Variants in COL21A1 observed in about 807,000 individuals in gnomAD.
The protein encoded by COL21A1 is collagen type XXI alpha 1 chain.
In COL21A1, 149 loss-of-function variants were observed where a neutral mutation model predicts 137.9. The observed-to-expected ratio is 1.08, with a 90% CI of 0.95 to 1.24. The LOEUF (loss-of-function observed/expected upper bound fraction) is 1.24. Ranked by LOEUF, COL21A1 falls within the 50% of genes most tolerant of loss-of-function variation. The probability of loss-of-function intolerance (pLI) is 0.00; values close to 1 mark genes in which losing one functional copy is unlikely to be tolerated. For missense variants in COL21A1, 1,167 were observed against 1,158.4 expected (o/e 1.01, Z -0.11); for synonymous variants, 456 against 391.5 (o/e 1.16, Z -1.95).
intron 9 of COL21A1, among the ~76,000 whole-genome samples, chr6:56,160,854 G>T (rs1776143251): frequency 6.6e-6 from 1 of 152,136 alleles, no homozygotes; most frequent in Non-Finnish European, 1.5e-5. Flanking sequence ...CAAAACTTTG[G>T]AATACTTCAT....
At chr6:56,228,956 C>G (rs1306524769) in intron 1 of COL21A1, among the ~76,000 whole-genome samples, 2 of 151,852 alleles carry the variant, frequency 1.3e-5, no homozygotes, top group African/African-American at 2.4e-5. Flanking sequence ...AAATGCAAAA[C>G]TATATAGTAA....
intron 1 of COL21A1, among the ~76,000 whole-genome samples, chr6:56,184,101 G>A (rs1326247532): frequency 1.3e-5 from 2 of 152,086 alleles, no homozygotes; most frequent in Admixed American, 1.3e-4. Context: ...CTGGTGAAAA[G>A]GAGAGAATGA....
intron 17 of COL21A1, among the ~76,000 whole-genome samples, chr6:56,079,708 A>G (rs1446961991): frequency 6.6e-6 from 1 of 151,570 alleles, no homozygotes; most frequent in East Asian, 1.9e-4. Context: ...GAGATTCCAG[A>G]CTATAAAAAA....
chr6:56,263,445 G>A (rs974030133), intron 1 of COL21A1, among the ~76,000 whole-genome samples: 5 of 152,194 alleles, frequency 3.3e-5, no homozygotes, highest in African/African-American at 1.2e-4. Flanking sequence ...GTAGTGAATG[G>A]AGAATGGAAA....
chr6:56,190,773 G>A (rs1003658623), intron 1 of COL21A1, among the ~76,000 whole-genome samples: 9 of 152,136 alleles, frequency 5.9e-5, no homozygotes, highest in Non-Finnish European at 1.3e-4. Context: ...TGGGATGCAA[G>A]GCTGGTTCAA....
intron 1 of COL21A1, among the ~76,000 whole-genome samples, chr6:56,224,647 C>T (rs1285102450): frequency 6.6e-6 from 1 of 151,984 alleles, no homozygotes; most frequent in Non-Finnish European, 1.5e-5. Context: ...TAAAAATCAG[C>T]AGATGTAACT....
chr6:56,356,731 T>G (rs1280283583), intron 1 of COL21A1, among the ~76,000 whole-genome samples: 2 of 152,172 alleles, frequency 1.3e-5, no homozygotes, highest in Non-Finnish European at 2.9e-5. Flanking sequence ...CTGAAGAAGC[T>G]TTTGGATCTT....
At chr6:56,167,443 A>C (rs1207557684) in intron 6 of COL21A1, among the ~76,000 whole-genome samples, 1 of 152,216 alleles carries the variant, frequency 6.6e-6, no homozygotes, top group African/African-American at 2.4e-5. Flanking sequence ...TAATGTTTAA[A>C]TATTTACTAC....
intron 1 of COL21A1, among the ~76,000 whole-genome samples, chr6:56,326,201 A>T (rs550663073): frequency 1.2e-3 from 178 of 149,450 alleles, no homozygotes; most frequent in African/African-American, 4.2e-3. Flanking sequence ...ATACATTTTA[A>T]TTAAGTGCAC....
chr6:56,185,429 T>C (rs1778203296), intron 1 of COL21A1, among the ~76,000 whole-genome samples: 1 of 100,970 alleles, frequency 9.9e-6, no homozygotes, highest in Non-Finnish European at 2.0e-5. Context: ...GAACAGTCTT[T>C]TTTTTTTTTT....
In COL21A1 at chr6:56,071,904, C is replaced by A. The variant is rs1021031137; in HGVS notation, c.1966-1106G>T. On this transcript the variant is annotated intron_variant, in intron 20 of 29. Transcript: ENST00000244728. ...TGCCACGGTGGTTTGCTGCACCTAT[C>A]AACCCATCACCTAGGTATTAAGCCC... Among the ~76,000 whole-genome samples, 6 of 151,380 alleles carry A rather than the reference C, an allele frequency of 4.0e-5. No individual in the cohort carries two copies. In the Admixed American group the frequency reaches 4.0e-4, roughly 10 times the overall value.
intron 9 of COL21A1, 149 bp from the exon 10 acceptor site, chr6:56,157,098 GCTTA>G (rs1447847037): frequency 5.0e-6 from 3 of 598,398 alleles, no homozygotes; most frequent in Non-Finnish European, 8.9e-6. Flanking sequence ...TATTTTAAAT[GCTTA>G]CTTAATAAAT....
chr6:56,257,649 T>C (rs1763135003), intron 1 of COL21A1, among the ~76,000 whole-genome samples: 1 of 152,160 alleles, frequency 6.6e-6, no homozygotes, highest in Non-Finnish European at 1.5e-5. Context: ...ACTACTATTC[T>C]GTCATTGTCC....
chr6:56,223,486 T>G (rs1027400860), intron 1 of COL21A1, among the ~76,000 whole-genome samples: 1 of 152,088 alleles, frequency 6.6e-6, no homozygotes, highest in Non-Finnish European at 1.5e-5. Context: ...CTCTAAAAAT[T>G]TAGGTACTAG....
At chr6:56,319,518 A>G (rs1677035377) in intron 1 of COL21A1, among the ~76,000 whole-genome samples, 1 of 150,714 alleles carries the variant, frequency 6.6e-6, no homozygotes, top group South Asian at 2.1e-4. Flanking sequence ...TTGCATTTTT[A>G]GTAGAGACAA....
chr6:56,213,762 A>G (rs372133009), intron 1 of COL21A1, among the ~76,000 whole-genome samples: 9 of 152,214 alleles, frequency 5.9e-5, no homozygotes, highest in African/African-American at 2.2e-4. Context: ...CAAATGTCAG[A>G]TCCATCATTT....
intron 1 of COL21A1, among the ~76,000 whole-genome samples, chr6:56,237,496 A>G (rs569661109): frequency 2.0e-5 from 3 of 152,280 alleles, no homozygotes; most frequent in African/African-American, 7.2e-5. Flanking sequence ...ATGTAAAAAT[A>G]TAATTGCTTC....
chr6:56,128,547 C>T (rs1293919706), intron 12 of COL21A1, among the ~76,000 whole-genome samples: 2 of 152,194 alleles, frequency 1.3e-5, no homozygotes, highest in Non-Finnish European at 2.9e-5. Context: ...CAAGGATCTT[C>T]TATGTCTCTA....
chr6:56,324,902 A>G (rs1161924558), intron 1 of COL21A1, among the ~76,000 whole-genome samples: 1 of 151,962 alleles, frequency 6.6e-6, no homozygotes, highest in Non-Finnish European at 1.5e-5. Context: ...AAGCAGATCA[A>G]GAGACCCTCA....
Sources: gnomAD v4.1 joint callset for allele counts (sites outside exome capture counted in the v4.1 genomes callset) on GRCh38, gnomAD v4.1.1 for gene constraint, MANE v1.5 for transcripts, NCBI Gene and HGNC (gene_info 2026-07-23, HGNC 2026-07-21) for gene names.